The following PRRC2C variants were observed in gnomAD, a reference collection of about 807,000 sequenced individuals.
The protein encoded by PRRC2C is protein PRRC2C.
Under a neutral mutation model 317.2 loss-of-function variants are expected in PRRC2C, and 72 were observed. The ratio of observed to expected loss-of-function variants is 0.23; its 90% CI spans 0.19 to 0.28. The LOEUF (loss-of-function observed/expected upper bound fraction) is 0.28. PRRC2C is among the 10% of genes least tolerant of loss of function. The probability of loss-of-function intolerance (pLI) is 1.00; values close to 1 mark genes in which losing one functional copy is unlikely to be tolerated. For missense variants in PRRC2C, 3,074 were observed against 3,459.7 expected, an observed-to-expected ratio of 0.89 and a Z score of 2.80; for synonymous variants, 1,296 against 1,205.9, an observed-to-expected ratio of 1.07 and a Z score of -1.55.
rs1280471942 is a variant in PRRC2C at position 171,591,634 on chromosome 1, T to C, written c.8484T>C (p.Ser2828=). ...TTCAGTCCACGCAACGGTTCTTCTC[T>C]GAACAGCAACAGAGCAAACAGATAG... ...EVLQSTQRFF[S]EQQQSKQIGG... is the part of the protein sequence containing the mutation. The change falls in exon 35 of 35, where the codon TCT becomes TCC. Residue 2828 remains serine, a synonymous_variant. Coordinates refer to ENST00000647382, the MANE Select transcript of PRRC2C (RefSeq NM_001387844.1). 6.2e-7 allele frequency: 1 copy of C among 1,613,918 alleles called. No homozygotes were observed. The highest frequency in any genetic ancestry group is 2.2e-5 in the East Asian group (1 of 44,876).
intron 1 of PRRC2C, chr1:171,510,520 G>C (rs544488377): frequency 6.6e-6 from 1 of 151,614 alleles, no homozygotes; most frequent in South Asian, 2.1e-4. Context: ...CTATATCTTT[G>C]TACATGTTAC....
intron 34 of PRRC2C, chr1:171,591,248 C>A: frequency 1.0e-6 from 1 of 995,516 alleles, no homozygotes; most frequent in South Asian, 3.8e-5. Context: ...TTATTGTAGA[C>A]CACATATTGA....
chr1:171,493,636 A>G (rs1184208405), intron 1 of PRRC2C, among the ~76,000 whole-genome samples: 1 of 152,208 alleles, frequency 6.6e-6, no homozygotes, highest in Non-Finnish European at 1.5e-5. Context: ...CCTGGCCAAC[A>G]TGGTGAAACC....
intron 32 of PRRC2C, 97 bp from the exon 33 acceptor site, chr1:171,588,282 C>A: frequency 7.4e-7 from 1 of 1,356,372 alleles, no homozygotes; most frequent in African/African-American, 1.5e-5. Flanking sequence ...TACCAACTAC[C>A]AAGTATGATG....
chr1:171,556,765 A>T (rs1046224629), intron 18 of PRRC2C, among the ~76,000 whole-genome samples: 1 of 152,254 alleles, frequency 6.6e-6, no homozygotes, highest in Non-Finnish European at 1.5e-5. Context: ...AATACACAGA[A>T]TGAATCAAGG....
At chr1:171,571,461 C>T in intron 24 of PRRC2C, 40 bp downstream of exon 24, 1 of 1,400,980 alleles carries the variant, frequency 7.1e-7, no homozygotes, top group Non-Finnish European at 1.0e-6. Context: ...TTAATTGTTG[C>T]ATGCAAGGGG....
rs991856928 is a variant in PRRC2C at position 171,585,092 on chromosome 1, T to G, written c.7749+566T>G. Among the ~76,000 whole-genome samples the G allele has an allele frequency of 1.7e-4, 25 of 151,384 alleles. No individual in the cohort carries two copies. The Middle Eastern group carries it at 0.01, about 62-fold the overall frequency. On this transcript the variant is annotated intron_variant, in intron 30 of 34. Transcript: ENST00000647382. ...ACACCTGGCTGCTTTTTGTTTTTTGTTTTTTTTTAATTAAGGGGGAAAAAA... is the reference window on the plus strand; with the variant it reads ...ACACCTGGCTGCTTTTTGTTTTTTGGTTTTTTTTAATTAAGGGGGAAAAAA...
chr1:171,500,486 A>G lies in PRRC2C; in HGVS notation c.-57-11546A>G, dbSNP rs540459220. Among the ~76,000 whole-genome samples the G allele has an allele frequency of 3.3e-5, 5 of 151,928 alleles. No homozygotes were observed. The South Asian group carries it at 8.3e-4, about 25-fold the overall frequency. ...CAATCATAGCTCACTGCAGCCCTGA[A>G]CTTCTGCTGAGGCTGTCCTCCTGCC... On this transcript the variant is annotated intron_variant, in intron 1 of 34. Coordinates refer to ENST00000647382, the MANE Select transcript of PRRC2C (RefSeq NM_001387844.1).
chr1:171,524,938 C>T lies in PRRC2C; in HGVS notation c.1173C>T (p.Pro391=), dbSNP rs1226238784. The change falls in exon 10 of 35, where the codon CCC becomes CCT. Residue 391 remains proline (P), a synonymous_variant. Coordinates refer to ENST00000647382, the MANE Select transcript of PRRC2C (RefSeq NM_001387844.1). ...IPAQPSVAKV[P]YGKGPSFNQE... The stretch of plus-strand genomic sequence containing the variant: ...CCCAACCATCAGTAGCAAAAGTTCC[C>T]TATGGGAAAGGACCTTCATTTAATC... 6.2e-7 allele frequency: 1 copy of T among 1,610,052 alleles called. No homozygotes were observed. The highest frequency in any genetic ancestry group is 8.5e-7 in the Non-Finnish European group (1 of 1,177,898).
intron 16 of PRRC2C, among the ~76,000 whole-genome samples, chr1:171,545,256 A>G (rs1359639081): frequency 6.6e-6 from 1 of 152,206 alleles, no homozygotes; most frequent in Admixed American, 6.5e-5. Flanking sequence ...CTAGAATTTA[A>G]TTGCTGGAAA....
At chr1:171,577,774 T>TA in intron 26 of PRRC2C, 137 bp downstream of exon 26, 1 of 144,422 alleles carries the variant, frequency 6.9e-6, no homozygotes, top group Admixed American at 1.4e-4. Context: ...AATTCGCATT[T>TA]TTTTTTTTTT....
Position 171,542,018 on chromosome 1 carries a change from A to G in PRRC2C, c.4552A>G (p.Asn1518Asp). The part of the protein sequence containing the change: ...NERRERDEKK[N>D]ADLNAQTVVK... ...GAGGCGAGAGAGGGATGAAAAAAAA[A>G]ATGCTGACTTGAATGCACAAACAGT... The change falls in exon 16 of 35, where the codon AAT becomes GAT. Residue 1518 changes from asparagine (N) to aspartate (D), a missense_variant. By Grantham distance (23) the Asn-to-Asp change is conservative (BLOSUM62 1). This residue lies in a region of PRRC2C where 178 missense variants were observed against 163.0 expected (regional missense o/e 1.09). Coordinates refer to ENST00000647382, the MANE Select transcript of PRRC2C (RefSeq NM_001387844.1). 6.2e-7 allele frequency: 1 copy of G among 1,613,872 alleles called. No individual in the cohort carries two copies. The highest frequency in any genetic ancestry group is 1.1e-5 in the South Asian group (1 of 91,050).
Position 171,591,885 on chromosome 1 carries a change from G to GCA in PRRC2C, c.*38_*39insCA. 2.3e-6 allele frequency: 1 copy of GCA among 433,600 alleles called. No individual in the cohort carries two copies. The highest frequency in any genetic ancestry group is 4.3e-6 in the Non-Finnish European group (1 of 233,622). 26.9% of individuals were successfully genotyped at this position (433,600 alleles called of 1,614,324 possible). On this transcript the variant is annotated 3_prime_UTR_variant, in exon 35 of 35. Transcript: ENST00000647382. Reference sequence around the variant, plus strand: ...ATTGCAGGGGATTGGGAGGGGGGCGGGAAAACATGGAGAATTAAGTCAGAT... The same window carrying GCA: ...ATTGCAGGGGATTGGGAGGGGGGCGGCAGAAAACATGGAGAATTAAGTCAGAT...
chr1:171,537,308 G>C lies in PRRC2C; in HGVS notation c.2339G>C (p.Gly780Ala), dbSNP rs774432797. 6 of 1,601,066 alleles carry C rather than the reference G, an allele frequency of 3.7e-6. No homozygotes were observed. The South Asian group carries it at 6.8e-5, about 18-fold the overall frequency. ...TTAATGAGAAGAGACCAGATGGAAGGGTCACCGAACAGTTCTGAGTCATTT... is the reference window on the plus strand; with the variant it reads ...TTAATGAGAAGAGACCAGATGGAAGCGTCACCGAACAGTTCTGAGTCATTT... Reference protein sequence around the residue: ...KPLMRRDQMEGSPNSSESFEH... With the variant: ...KPLMRRDQMEASPNSSESFEH... Residue 780 changes from glycine (G) to alanine (A), a missense_variant, in exon 15 of 35, where the codon GGG becomes GCG. By Grantham distance (60) the Gly-to-Ala change is moderately conservative (BLOSUM62 0). Around this residue, in one of 11 missense-constraint regions of PRRC2C, gnomAD observed 1,320 missense variants for 1,395.7 expected, o/e 0.95. Transcript: ENST00000647382.
intron 3 of PRRC2C, 162 bp downstream of exon 3, chr1:171,513,334 C>A: frequency 1.2e-6 from 1 of 851,668 alleles, no homozygotes; most frequent in Non-Finnish European, 1.8e-6. Context: ...GGTTAATTTT[C>A]CCTATTAAAA....
chr1:171,583,561 C>T (rs1484119231), intron 28 of PRRC2C, among the ~76,000 whole-genome samples: 1 of 152,140 alleles, frequency 6.6e-6, no homozygotes, highest in East Asian at 1.9e-4. Flanking sequence ...AAAGAGTACA[C>T]TCTAAAATAA....
intron 16 of PRRC2C, among the ~76,000 whole-genome samples, chr1:171,544,813 TGGTAAGCTTTTATCTTGAG>T (rs1362546380): frequency 6.6e-6 from 1 of 152,194 alleles, no homozygotes; most frequent in Non-Finnish European, 1.5e-5. Context: ...ACCAGGGACC[TGGTAAGCTTTTATCTTGAG>T]TAATACTATA....
intron 25 of PRRC2C, among the ~76,000 whole-genome samples, chr1:171,576,996 C>T (rs1211048089): frequency 1.3e-5 from 2 of 152,208 alleles, no homozygotes; most frequent in East Asian, 3.8e-4. Context: ...CAGTTGAGAT[C>T]TTTCAAGGCC....
At chr1:171,518,494 ATTTTTT>A (rs149358002) in intron 6 of PRRC2C, among the ~76,000 whole-genome samples, 2 of 72,580 alleles carry the variant, frequency 2.8e-5, no homozygotes, top group Admixed American at 3.5e-4. Flanking sequence ...TTTTTTTTCA[ATTTTTT>A]TTTTTTTTTT....
Sources: gnomAD v4.1 joint callset for allele counts (sites outside exome capture counted in the v4.1 genomes callset) on GRCh38, gnomAD v4.1.1 for gene constraint, gnomAD v4.1.1 regional missense constraint, MANE v1.5 for transcripts, NCBI Gene and HGNC (gene_info 2026-07-23, HGNC 2026-07-21) for gene names.